The following CCDC171 variants were observed in gnomAD, a reference collection of about 807,000 sequenced individuals.
CCDC171 encodes coiled-coil domain-containing protein 171.
CCDC171 carries 177 observed loss-of-function variants against 168.2 expected under a neutral mutation model. The ratio of observed to expected loss-of-function variants is 1.05; its 90% CI spans 0.93 to 1.19. The LOEUF is 1.19. Ranked by LOEUF, CCDC171 falls within the 50% of genes most tolerant of loss-of-function variation. The probability of loss-of-function intolerance (pLI) is 0.00; values close to 1 mark genes in which losing one functional copy is unlikely to be tolerated. For missense variants in CCDC171, 1,991 were observed against 1,539.0 expected, an observed-to-expected ratio of 1.29 and a Z score of -4.91; for synonymous variants, 687 against 540.8, an observed-to-expected ratio of 1.27 and a Z score of -3.75.
At chr9:15,905,359 T>C (rs1370421785) in intron 24 of CCDC171, among the ~76,000 whole-genome samples, 1 of 152,172 alleles carries the variant, frequency 6.6e-6, no homozygotes, top group Non-Finnish European at 1.5e-5. Flanking sequence ...GAACTCGGGA[T>C]TCAGAAGCTC....
intron 7 of CCDC171, among the ~76,000 whole-genome samples, chr9:15,626,437 A>C (rs549900037): frequency 6.6e-6 from 1 of 152,088 alleles, no homozygotes; most frequent in Non-Finnish European, 1.5e-5. Flanking sequence ...TTAGTATGAT[A>C]TTGGCTGTGG....
At chr9:15,644,974 T>A (rs907023227) in intron 7 of CCDC171, among the ~76,000 whole-genome samples, 1 of 152,206 alleles carries the variant, frequency 6.6e-6, no homozygotes, top group Non-Finnish European at 1.5e-5. Flanking sequence ...CTGAGTAGCC[T>A]ACCTGGGAGG....
the CCDC171 span, among the ~76,000 whole-genome samples, chr9:16,088,693 T>A: frequency 6.6e-6 from 1 of 152,118 alleles, no homozygotes; most frequent in Non-Finnish European, 1.5e-5. Flanking sequence ...TACAAACCAC[T>A]GCTGAAGGAA....
At chr9:15,669,965 A>C (rs1358719529) in intron 9 of CCDC171, among the ~76,000 whole-genome samples, 1 of 151,446 alleles carries the variant, frequency 6.6e-6, no homozygotes, top group Non-Finnish European at 1.5e-5. Context: ...AAAAAAAAAA[A>C]AAAAAAAAAG....
At chr9:15,949,456 A>C (rs1251201767) in intron 25 of CCDC171, among the ~76,000 whole-genome samples, 1 of 152,212 alleles carries the variant, frequency 6.6e-6, no homozygotes, top group Admixed American at 6.5e-5. Context: ...ACACATGAGC[A>C]TGGAATGTTC....
At chr9:15,835,523 G>T (rs2060405579) in intron 21 of CCDC171, among the ~76,000 whole-genome samples, 1 of 152,104 alleles carries the variant, frequency 6.6e-6, no homozygotes, top group South Asian at 2.1e-4. Flanking sequence ...TGCCTCCCTG[G>T]TTTAAGCAAT....
At chr9:15,857,934 G>GATATATATAT (rs569030319) in intron 23 of CCDC171, among the ~76,000 whole-genome samples, 1 of 151,064 alleles carries the variant, frequency 6.6e-6, no homozygotes, top group African/African-American at 2.4e-5. Flanking sequence ...CTATAGTTTT[G>GATATATATAT]ATATATATAT....
intron 3 of CCDC171, among the ~76,000 whole-genome samples, chr9:15,987,355 T>C (rs188436528): frequency 1.3e-5 from 2 of 152,206 alleles, no homozygotes; most frequent in African/African-American, 4.8e-5. Context: ...ATCATCCATA[T>C]TCCAAACCCT....
chr9:15,731,517 G>A (rs914707672), intron 16 of CCDC171, among the ~76,000 whole-genome samples: 2 of 152,036 alleles, frequency 1.3e-5, no homozygotes, highest in South Asian at 2.1e-4. Context: ...TGTCATTTAC[G>A]TTGTTGTGTG....
At chr9:15,722,436 C>T (rs75190940) in intron 12 of CCDC171, among the ~76,000 whole-genome samples, 2,603 of 152,204 alleles carry the variant, frequency 0.017, 96 homozygotes, top group African/African-American at 0.059. Flanking sequence ...ATTTATCATC[C>T]CATTTGTATT....
intron 6 of CCDC171, among the ~76,000 whole-genome samples, chr9:16,034,565 A>G (rs1441407627): frequency 6.6e-6 from 1 of 152,104 alleles, no homozygotes; most frequent in African/African-American, 2.4e-5. Context: ...CTGTAATTAG[A>G]TGTTTCAGTG....
intron 10 of CCDC171, 21 bp downstream of exon 10, chr9:15,678,917 C>G: frequency 6.5e-7 from 1 of 1,547,932 alleles, no homozygotes; most frequent in Non-Finnish European, 8.7e-7. Context: ...AAAAGAAAAC[C>G]CTATGGAAAT....
rs375391518 is a variant in CCDC171 at position 16,021,365 on chromosome 9, T to C, written n.574+571T>C. 7.9e-5 allele frequency among the ~76,000 whole-genome samples: 12 copies of C among 152,290 alleles called. No homozygotes were observed. In the East Asian group the frequency reaches 1.5e-3, roughly 20 times the overall value. The stretch of plus-strand genomic sequence containing the variant: ...CCTCCCAAAGTGCTGGGATTACAGG[T>C]GTGAGCCACCATGCCTGGCCTCAAT... On this transcript the variant is annotated intron_variant and non_coding_transcript_variant, in intron 4 of 9. Transcript: ENST00000486641.
rs956757370 is a variant in CCDC171 at position 15,880,449 on chromosome 9, TTC to T, written c.3600+5800_3600+5801del. ...TAATGAACATATCTGTCACTTCCAA[TTC>T]TCTCTCTCTCTCTTTTTTTTTTTTT... On this transcript the variant is annotated intron_variant, in intron 24 of 25. Coordinates refer to ENST00000380701, the MANE Select transcript of CCDC171 (RefSeq NM_173550.4). Among the ~76,000 whole-genome samples the T allele has an allele frequency of 2.1e-5, 3 of 142,296 alleles. No individual in the cohort carries two copies. The East Asian group carries it at 6.4e-4, about 30-fold the overall frequency. The allele number at this position is 142,296 out of a possible 152,430, so 93.4% of individuals were successfully genotyped here.
At chr9:15,575,661 T>C (rs768560835) in intron 3 of CCDC171, among the ~76,000 whole-genome samples, 3 of 152,364 alleles carry the variant, frequency 2.0e-5, no homozygotes, top group Non-Finnish European at 2.9e-5. Flanking sequence ...TTTATTAACC[T>C]CTAACTGATA....
chr9:15,896,145 A>G (rs988747513), intron 24 of CCDC171, among the ~76,000 whole-genome samples: 1 of 152,018 alleles, frequency 6.6e-6, no homozygotes, highest in Non-Finnish European at 1.5e-5. Context: ...ATCACCATCA[A>G]TCTAGAAGCT....
At chr9:15,903,630 C>G (rs181059806) in intron 24 of CCDC171, among the ~76,000 whole-genome samples, 1 of 152,170 alleles carries the variant, frequency 6.6e-6, no homozygotes, top group Non-Finnish European at 1.5e-5. Context: ...CTCTCCTCCT[C>G]CAAAGGAACT....
intron 8 of CCDC171, among the ~76,000 whole-genome samples, chr9:15,658,598 T>A (rs982137883): frequency 6.6e-6 from 1 of 152,158 alleles, no homozygotes; most frequent in Non-Finnish European, 1.5e-5. Context: ...TTTATCTAGT[T>A]GAGACTGATG....
At position 15,973,808 on chromosome 9, in the gene CCDC171, A is replaced by G. The variant is rs1054347685; in HGVS notation, c.*1972A>G. On this transcript the variant is annotated 3_prime_UTR_variant, in exon 26 of 26. Coordinates refer to ENST00000380701, the MANE Select transcript of CCDC171 (RefSeq NM_173550.4). Reference sequence around the variant, plus strand: ...ACAATTTTTTAGTTCATGTGATATCACTGAGCTTACAATTCTCACTAGAGA... The same window carrying G: ...ACAATTTTTTAGTTCATGTGATATCGCTGAGCTTACAATTCTCACTAGAGA... 1.3e-5 allele frequency: 2 copies of G among 152,144 alleles called. No individual in the cohort carries two copies. The highest frequency in any genetic ancestry group is 2.9e-5 in the Non-Finnish European group (2 of 68,020). The allele number at this position is 152,144 out of a possible 1,614,324, so 9.4% of individuals were successfully genotyped here. A position where few individuals can be genotyped will look rare whatever the true frequency, so the allele number is the denominator to read the frequency against.
Sources: gnomAD v4.1 joint callset for allele counts (sites outside exome capture counted in the v4.1 genomes callset) on GRCh38, gnomAD v4.1.1 for gene constraint, MANE v1.5 for transcripts, NCBI Gene and HGNC (gene_info 2026-07-23, HGNC 2026-07-21) for gene names.